SLC6A16: variants seen among roughly 807,000 people sequenced by gnomAD.
The protein encoded by SLC6A16 is orphan sodium- and chloride-dependent neurotransmitter transporter NTT5.
SLC6A16 carries 54 observed loss-of-function variants against 65.4 expected under a neutral mutation model. That is an observed-to-expected ratio of 0.83 (90% CI 0.66 to 1.04). The LOEUF is 1.04. Among genes scored for constraint, SLC6A16 ranks in the 50% least tolerant of loss-of-function variants. The pLI is 0.00. For missense variants in SLC6A16, 816 were observed against 914.0 expected, an observed-to-expected ratio of 0.89 and a Z score of 1.38; for synonymous variants, 330 against 346.5, an observed-to-expected ratio of 0.95 and a Z score of 0.53.
Position 49,294,348 on chromosome 19 carries a change from C to A in SLC6A16, c.1416+19G>T. On this transcript the variant is annotated intron_variant, in intron 8 of 11. Transcript: ENST00000335875. The stretch of plus-strand genomic sequence containing the variant: ...GCTTTCAGGAACTCTAGGCTCCCCC[C>A]TCAGCTATGTTTACTGACCTTAAGA... 6.2e-7 allele frequency: 1 copy of A among 1,611,832 alleles called. No individual in the cohort carries two copies. Among genetic ancestry groups the A allele is most frequent in the Non-Finnish European group, 8.5e-7 (1 of 1,178,732 alleles).
chr19:49,299,534 TAA>T (rs761974008), intron 7 of SLC6A16, among the ~76,000 whole-genome samples: 9 of 36,300 alleles, frequency 2.5e-4, no homozygotes, highest in Non-Finnish European at 4.2e-4. Flanking sequence ...AGGCTTGGTG[TAA>T]AAAAAAAAAA....
At chr19:49,307,051 CTT>C (rs1197711801) in intron 7 of SLC6A16, among the ~76,000 whole-genome samples, 4 of 61,022 alleles carry the variant, frequency 6.6e-5, no homozygotes, top group Admixed American at 2.2e-4. Context: ...GTTTTATACA[CTT>C]TTTTTTTTTT....
chr19:49,306,684 A>G (rs915136522), intron 7 of SLC6A16, among the ~76,000 whole-genome samples: 11 of 151,970 alleles, frequency 7.2e-5, no homozygotes, highest in Admixed American at 2.6e-4. Context: ...CTGGGACTAC[A>G]GGTGTGTGCC....
At chr19:49,318,228 T>G (rs1231967644) in intron 1 of SLC6A16, among the ~76,000 whole-genome samples, 1 of 152,196 alleles carries the variant, frequency 6.6e-6, no homozygotes, top group Non-Finnish European at 1.5e-5. Context: ...AAACAATTCC[T>G]AGAACTTGGA....
At chr19:49,309,619 G>A (rs1232920833) in intron 5 of SLC6A16, 32 bp downstream of exon 5, 1 of 1,590,924 alleles carries the variant, frequency 6.3e-7, no homozygotes, top group Non-Finnish European at 8.6e-7. Flanking sequence ...AAGCATCTGA[G>A]AATTTCAAGG....
At position 49,309,101 on chromosome 19, in the gene SLC6A16, T is replaced by C; in HGVS notation, c.1004A>G (p.Asn335Ser). 6.2e-7 allele frequency: 1 copy of C among 1,614,192 alleles called. No homozygotes were observed. Among genetic ancestry groups the C allele is most frequent in the Middle Eastern group, 1.6e-4 (1 of 6,062 alleles). Reference protein sequence around the residue: ...LVVAKISDVYNMSVWSLAGGQ... With the variant: ...LVVAKISDVYSMSVWSLAGGQ... Reference sequence around the variant, plus strand: ...CCCTGCTAGAGACCACACACTCATATTGTACACATCCGATATCTAAAAGAG... The same window carrying C: ...CCCTGCTAGAGACCACACACTCATACTGTACACATCCGATATCTAAAAGAG... Residue 335 changes from asparagine to serine, a missense_variant, in exon 7 of 12, where the codon AAT becomes AGT. Coordinates refer to ENST00000335875, the MANE Select transcript of SLC6A16 (RefSeq NM_014037.3).
At chr19:49,314,295 C>G (rs1328402469) in intron 1 of SLC6A16, among the ~76,000 whole-genome samples, 1 of 152,008 alleles carries the variant, frequency 6.6e-6, no homozygotes, top group Non-Finnish European at 1.5e-5. Context: ...ATCCATGAAT[C>G]CACAGGGATA....
chr19:49,323,728 G>A (rs1233297056), intron 1 of SLC6A16, among the ~76,000 whole-genome samples: 1 of 152,216 alleles, frequency 6.6e-6, no homozygotes, highest in Non-Finnish European at 1.5e-5. Context: ...TGGTGAGGAT[G>A]TGGAGAAATT....
At chr19:49,313,338 A>G (rs1228229164) in intron 1 of SLC6A16, among the ~76,000 whole-genome samples, 1 of 152,010 alleles carries the variant, frequency 6.6e-6, no homozygotes, top group Non-Finnish European at 1.5e-5. Flanking sequence ...AATTTTTAAA[A>G]GTTTTTTTCA....
At chr19:49,337,909 A>C in the SLC6A16 span, 1 of 1,613,892 alleles carries the variant, frequency 6.2e-7, no homozygotes. Context: ...GCCCAGCCTC[A>C]CTGGTGGCCT....
the SLC6A16 span, chr19:49,338,859 A>C: frequency 6.2e-7 from 1 of 1,614,148 alleles, no homozygotes; most frequent in Non-Finnish European, 8.5e-7. The surrounding 1 kb of genome is among the most constrained non-coding windows in gnomAD (Gnocchi z 5.0). Flanking sequence ...CCAGCTCAGC[A>C]GGCTTGGACA....
At chr19:49,332,204 T>A in the SLC6A16 span, 1 of 456,702 alleles carries the variant, frequency 2.2e-6, no homozygotes, top group Non-Finnish European at 4.4e-6. Flanking sequence ...CCAATTTCTG[T>A]GTCTACCATC....
the SLC6A16 span, chr19:49,339,225 G>A: frequency 2.0e-6 from 2 of 986,130 alleles, no homozygotes; most frequent in South Asian, 1.4e-5. This position sits in a 1 kb window ranked among gnomAD's most constrained non-coding sequence, Gnocchi z 4.5. Flanking sequence ...GACTAGGGGA[G>A]CGGGTAGATG....
Position 49,296,128 on chromosome 19 carries a change from A to G in SLC6A16, c.1230-1575T>C, listed in dbSNP as rs369253496. Among the ~76,000 whole-genome samples the G allele has an allele frequency of 2.0e-5, 3 of 152,192 alleles. No individual in the cohort carries two copies. The East Asian group carries it at 5.8e-4, about 29-fold the overall frequency. On this transcript the variant is annotated intron_variant, in intron 7 of 11. Transcript: ENST00000335875. ...CCTCAGCCTCCCAAGTAGCTGGGACAGGCGTGCGCCACCATGCCCAGCTAA... is the reference window on the plus strand; with the variant it reads ...CCTCAGCCTCCCAAGTAGCTGGGACGGGCGTGCGCCACCATGCCCAGCTAA...
intron 7 of SLC6A16, among the ~76,000 whole-genome samples, chr19:49,301,205 G>A (rs1395061001): frequency 6.6e-6 from 1 of 152,100 alleles, no homozygotes; most frequent in African/African-American, 2.4e-5. Context: ...CCCATCCCCC[G>A]AGCCAGCACT....
At chr19:49,334,025 G>A in the SLC6A16 span, among the ~76,000 whole-genome samples, 2 of 151,992 alleles carry the variant, frequency 1.3e-5, no homozygotes, top group Non-Finnish European at 1.5e-5. Flanking sequence ...GTGTTGGCAC[G>A]GCCCAGCGCC....
chr19:49,302,322 G>A (rs943582732), intron 7 of SLC6A16, among the ~76,000 whole-genome samples: 2 of 152,084 alleles, frequency 1.3e-5, no homozygotes, highest in Admixed American at 1.3e-4. Flanking sequence ...AACTCTGTGG[G>A]AGGTTCACAG....
Position 49,292,045 on chromosome 19 carries a change from A to G in SLC6A16, c.1778+1178T>C, listed in dbSNP as rs1231442780. On this transcript the variant is annotated intron_variant, in intron 10 of 11. Coordinates refer to ENST00000335875, the MANE Select transcript of SLC6A16 (RefSeq NM_014037.3). This position sits in a 1 kb window ranked among gnomAD's most constrained non-coding sequence, Gnocchi z 4.3. Reference sequence around the variant, plus strand: ...TTAATCCACAACTCTTCTACTTTTGACCAAGCCATTCTTAGCTCTCACTTG... The same window carrying G: ...TTAATCCACAACTCTTCTACTTTTGGCCAAGCCATTCTTAGCTCTCACTTG... Among the ~76,000 whole-genome samples, 5 of 152,132 alleles carry G rather than the reference A, an allele frequency of 3.3e-5. No homozygotes were observed. Among genetic ancestry groups the G allele is most frequent in the African/African-American group, 4.8e-5 (2 of 41,422 alleles).
chr19:49,293,566 AC>A (rs1158780411), intron 9 of SLC6A16, among the ~76,000 whole-genome samples, 184 bp from the exon 10 acceptor site: 1 of 152,096 alleles, frequency 6.6e-6, no homozygotes. Context: ...GGAGTCTGAG[AC>A]CAGCCAGGCA....
Sources: allele counts gnomAD v4.1 joint callset (sites outside exome capture counted in the v4.1 genomes callset), GRCh38; gene constraint gnomAD v4.1.1; non-coding constraint Gnocchi (gnomAD v3.1); transcripts MANE v1.5; gene names NCBI Gene and HGNC (gene_info 2026-07-23, HGNC 2026-07-21).